The following NUDT3 variants were observed in gnomAD, a reference collection of about 807,000 sequenced individuals.
NUDT3 encodes the protein diphosphoinositol polyphosphate phosphohydrolase 1.
NUDT3 carries 9 observed loss-of-function variants against 23.6 expected under a neutral mutation model. The observed-to-expected ratio is 0.38, with a 90% CI of 0.23 to 0.66. The LOEUF is 0.66. NUDT3 is among the 30% of genes least tolerant of loss of function. The pLI, the probability that NUDT3 is intolerant of heterozygous loss-of-function variation, is 0.52. For missense variants in NUDT3, 172 were observed against 218.5 expected (o/e 0.79, Z 1.34); for synonymous variants, 86 against 82.6 (o/e 1.04, Z -0.22).
rs2113684565 is a variant in NUDT3, at chr6:34,280,865, A to G, written c.*7888T>C. The G allele has an allele frequency of 6.6e-6, 1 of 152,310 alleles. No individual in the cohort carries two copies. Among genetic ancestry groups the G allele is most frequent in the Admixed American group, 6.5e-5 (1 of 15,292 alleles). The allele number at this position is 152,310 out of a possible 1,614,324, so 9.4% of individuals were successfully genotyped here. ...CCCTGGCTCTCTGTCTCAGTTCCAC[A>G]GATATTACTCAACTTGGCCATTTAC... On this transcript the variant is annotated 3_prime_UTR_variant, in exon 5 of 5. Transcript: ENST00000607016.
Position 34,392,357 on chromosome 6 carries a change from C to G in NUDT3, c.6G>C (p.Met2Ile). 6.2e-7 allele frequency: 1 copy of G among 1,601,918 alleles called. No homozygotes were observed. The stretch of plus-strand genomic sequence containing the variant: ...TGCGGGTCTGGTTCGACTTGAGCTT[C>G]ATCATCCTCCGGGCCCGGGTGGGGG... The part of the protein sequence containing the change: M[M>I]KLKSNQTRTY... The change falls in exon 1 of 5, where the codon ATG becomes ATC. Residue 2 changes from methionine to isoleucine, a missense_variant. By Grantham distance (10) the Met-to-Ile change is conservative. Coordinates refer to ENST00000607016, the MANE Select transcript of NUDT3 (RefSeq NM_006703.4).
intron 1 of NUDT3, among the ~76,000 whole-genome samples, chr6:34,373,152 G>A (rs540581836): frequency 1.1e-4 from 16 of 151,538 alleles, no homozygotes; most frequent in African/African-American, 3.4e-4. Flanking sequence ...GGTGGCAGGC[G>A]CCTGTAGTCC....
chr6:34,345,182 G>A (rs1241907131), intron 1 of NUDT3, among the ~76,000 whole-genome samples: 1 of 151,752 alleles, frequency 6.6e-6, no homozygotes, highest in African/African-American at 2.4e-5. Flanking sequence ...CCGAGTAGCT[G>A]GGATTACAGG....
At chr6:34,372,563 G>C (rs1764848223) in intron 1 of NUDT3, among the ~76,000 whole-genome samples, 1 of 152,006 alleles carries the variant, frequency 6.6e-6, no homozygotes, top group East Asian at 1.9e-4. Context: ...CCAGCACTTT[G>C]AGAGGCCAAG....
At chr6:34,323,227 C>A (rs1763972798) in intron 2 of NUDT3, among the ~76,000 whole-genome samples, 1 of 150,112 alleles carries the variant, frequency 6.7e-6, no homozygotes. Context: ...TCCCCCAAAT[C>A]TAAATTTTAA....
At chr6:34,391,013 T>G (rs954379159) in intron 1 of NUDT3, among the ~76,000 whole-genome samples, 3 of 152,182 alleles carry the variant, frequency 2.0e-5, no homozygotes, top group African/African-American at 7.2e-5. Context: ...TTTCCAAATC[T>G]CCTTTCGTTC....
intron 1 of NUDT3, 144 bp from the exon 2 acceptor site, chr6:34,342,116 C>T: frequency 2.8e-6 from 2 of 714,588 alleles, no homozygotes; most frequent in East Asian, 2.8e-5. Context: ...TGCAAAGTAG[C>T]TTTCGTTTCT....
intron 2 of NUDT3, among the ~76,000 whole-genome samples, chr6:34,322,792 T>G (rs1181902897): frequency 6.6e-6 from 1 of 152,240 alleles, no homozygotes; most frequent in Non-Finnish European, 1.5e-5. Context: ...TGTAGGAGAC[T>G]GGCCTTATTC....
In NUDT3 at chr6:34,281,523, T is replaced by C. The variant is rs899294106; in HGVS notation, c.*7230A>G. The C allele has an allele frequency of 1.3e-5, 2 of 152,232 alleles. No individual in the cohort carries two copies. The highest frequency in any genetic ancestry group is 2.9e-5 in the Non-Finnish European group (2 of 68,034). 9.4% of individuals were successfully genotyped at this position (152,232 alleles called of 1,614,324 possible). A position where few individuals can be genotyped will look rare whatever the true frequency, so the allele number is the denominator to read the frequency against. The stretch of plus-strand genomic sequence containing the variant: ...TTATTCTAACCACCAACCTTTTCTT[T>C]GATTATCAACCAGTTTGACAGTCTT... On this transcript the variant is annotated 3_prime_UTR_variant, in exon 5 of 5. Coordinates refer to ENST00000607016, the MANE Select transcript of NUDT3 (RefSeq NM_006703.4).
intron 2 of NUDT3, among the ~76,000 whole-genome samples, chr6:34,303,166 G>A (rs1354342183): frequency 2.7e-5 from 4 of 150,024 alleles, no homozygotes; most frequent in Admixed American, 6.6e-5. Context: ...TGAGTAACGC[G>A]GATCACAGAT....
At position 34,392,530 on chromosome 6, in the gene NUDT3, C is replaced by T. The variant is rs1765225444; in HGVS notation, c.-168G>A. The T allele has an allele frequency of 4.3e-6, 2 of 461,014 alleles. No homozygotes were observed. The highest frequency in any genetic ancestry group is 2.1e-5 in the African/African-American group (1 of 47,826). The allele number at this position is 461,014 out of a possible 1,614,324, so 28.6% of individuals were successfully genotyped here. On this transcript the variant is annotated 5_prime_UTR_variant, in exon 1 of 5. Transcript: ENST00000607016. ...GCTGGCCCGCCGCGGCCGCCTCATT[C>T]CCCCAGGCCCAGGTCCCGCGCCGCC...
intron 2 of NUDT3, among the ~76,000 whole-genome samples, chr6:34,337,209 AAT>A (rs1294566037): frequency 2.6e-5 from 4 of 152,262 alleles, no homozygotes; most frequent in African/African-American, 9.6e-5. Context: ...GCTGGAATAA[AAT>A]ATGAGATATG....
chr6:34,343,221 A>T (rs567907973), intron 1 of NUDT3, among the ~76,000 whole-genome samples: 4 of 152,036 alleles, frequency 2.6e-5, no homozygotes, highest in Non-Finnish European at 5.9e-5. Flanking sequence ...AATCCACAGT[A>T]GTTTTTGGTT....
At chr6:34,373,735 A>G (rs1462355529) in intron 1 of NUDT3, among the ~76,000 whole-genome samples, 1 of 152,248 alleles carries the variant, frequency 6.6e-6, no homozygotes, top group Non-Finnish European at 1.5e-5. Flanking sequence ...TTCAGCTAAC[A>G]GTGACAACAG....
intron 4 of NUDT3, 53 bp downstream of exon 4, chr6:34,293,398 T>C: frequency 6.2e-7 from 1 of 1,607,510 alleles, no homozygotes; most frequent in Non-Finnish European, 8.5e-7. Flanking sequence ...ACCTGTGGCA[T>C]GGCAAGGGCT....
At chr6:34,357,282 T>TCAG (rs1451801201) in intron 1 of NUDT3, among the ~76,000 whole-genome samples, 2 of 152,096 alleles carry the variant, frequency 1.3e-5, no homozygotes, top group Non-Finnish European at 2.9e-5. Context: ...ACTATACTAT[T>TCAG]CAGTCCACTT....
At chr6:34,360,027 G>A (rs1764622307) in intron 1 of NUDT3, among the ~76,000 whole-genome samples, 1 of 151,972 alleles carries the variant, frequency 6.6e-6, no homozygotes. Flanking sequence ...CCAGGAGTTG[G>A]AGACCAGCCT....
At position 34,290,531 on chromosome 6, in the gene NUDT3, C is replaced by T. The variant is rs193274254; in HGVS notation, c.341-1600G>A. On this transcript the variant is annotated intron_variant, in intron 4 of 4. Coordinates refer to ENST00000607016, the MANE Select transcript of NUDT3 (RefSeq NM_006703.4). ...GCCACCACACCTGTCCTATGTCACA[C>T]TATTTCTTAAGCAATCTATATTATG... Among the ~76,000 whole-genome samples the T allele has an allele frequency of 2.0e-5, 3 of 149,902 alleles. No individual in the cohort carries two copies. In the East Asian group the frequency reaches 6.0e-4, roughly 30 times the overall value.
intron 2 of NUDT3, among the ~76,000 whole-genome samples, chr6:34,328,982 G>A (rs1055758958): frequency 6.6e-6 from 1 of 152,122 alleles, no homozygotes; most frequent in African/African-American, 2.4e-5. Context: ...ATACAACACA[G>A]TCATACTGTG....
Sources: gnomAD v4.1 joint callset for allele counts (sites outside exome capture counted in the v4.1 genomes callset) on GRCh38, gnomAD v4.1.1 for gene constraint, MANE v1.5 for transcripts, NCBI Gene and HGNC (gene_info 2026-07-23, HGNC 2026-07-21) for gene names.